The following SPHKAP variants were observed in gnomAD, a reference collection of about 807,000 sequenced individuals.
SPHKAP encodes A-kinase anchor protein SPHKAP.
In SPHKAP, 67 loss-of-function variants were observed where a neutral mutation model predicts 137.5. That is an observed-to-expected ratio of 0.49 (90% CI 0.40 to 0.60). SPHKAP has a LOEUF of 0.60. Among genes scored for constraint, SPHKAP ranks in the 20% least tolerant of loss-of-function variants. The pLI is 0.00. For missense variants in SPHKAP, 2,097 were observed against 2,069.3 expected (o/e 1.01, Z -0.26); for synonymous variants, 813 against 785.3 (o/e 1.04, Z -0.59).
rs185456523 is a variant in SPHKAP, at chr2:228,084,288, T to C, written c.246+24544A>G. Among the ~76,000 whole-genome samples the C allele has an allele frequency of 5.9e-5, 9 of 152,260 alleles. No individual in the cohort carries two copies. The East Asian group carries it at 1.7e-3, about 29-fold the overall frequency. ...ACATTAATAATTAGTATTAAAAAGT[T>C]ATATTCCAAATATTACTATAGTTAA... On this transcript the variant is annotated intron_variant, in intron 3 of 11. Transcript: ENST00000392056.
chr2:228,162,550 T>C (rs1167290150), intron 1 of SPHKAP, among the ~76,000 whole-genome samples: 1 of 152,210 alleles, frequency 6.6e-6, no homozygotes, highest in East Asian at 1.9e-4. Context: ...AAGTGTTCAA[T>C]GAAATTAGTT....
At chr2:228,020,899 G>A (rs939164475) in intron 6 of SPHKAP, among the ~76,000 whole-genome samples, 1 of 152,102 alleles carries the variant, frequency 6.6e-6, no homozygotes, top group Non-Finnish European at 1.5e-5. Context: ...ATGTTTGAGG[G>A]CTGAGGGCTG....
intron 2 of SPHKAP, among the ~76,000 whole-genome samples, chr2:228,122,770 G>A (rs1224202742): frequency 6.6e-6 from 1 of 152,208 alleles, no homozygotes; most frequent in African/African-American, 2.4e-5. Context: ...CAACCCTGAT[G>A]TTGATGTGGC....
intron 3 of SPHKAP, among the ~76,000 whole-genome samples, chr2:228,048,985 C>T (rs964885990): frequency 5.3e-5 from 8 of 152,162 alleles, no homozygotes; most frequent in African/African-American, 1.9e-4. Context: ...TGCACTGACA[C>T]CAACCTAGAC....
chr2:228,130,560 C>A (rs1320908226), intron 2 of SPHKAP, among the ~76,000 whole-genome samples: 1 of 152,130 alleles, frequency 6.6e-6, no homozygotes, highest in Admixed American at 6.6e-5. Flanking sequence ...TTCAATTCTT[C>A]TTTTAAATAC....
intron 1 of SPHKAP, among the ~76,000 whole-genome samples, chr2:228,180,021 C>G (rs1700852072): frequency 6.6e-6 from 1 of 152,130 alleles, no homozygotes. Flanking sequence ...AGTGAGCTTC[C>G]AATTTACATG....
At position 228,100,608 on chromosome 2, in the gene SPHKAP, T is replaced by C. The variant is rs147859649; in HGVS notation, c.246+8224A>G. Among the ~76,000 whole-genome samples, 34 of 138,820 alleles carry C rather than the reference T, an allele frequency of 2.4e-4. No homozygotes were observed. The East Asian group carries it at 7.2e-3, about 30-fold the overall frequency. The allele number at this position is 138,820 out of a possible 152,430, so 91.1% of individuals were successfully genotyped here. ...TGCATCTATTGAGATGATAGTATGGTTTTCTTTTTAATTCTGTTTATGTGG... is the reference window on the plus strand; with the variant it reads ...TGCATCTATTGAGATGATAGTATGGCTTTCTTTTTAATTCTGTTTATGTGG... On this transcript the variant is annotated intron_variant, in intron 3 of 11. Coordinates refer to ENST00000392056, the MANE Select transcript of SPHKAP (RefSeq NM_001142644.2).
At chr2:228,075,753 G>A (rs1459844276) in intron 3 of SPHKAP, among the ~76,000 whole-genome samples, 1 of 152,166 alleles carries the variant, frequency 6.6e-6, no homozygotes, top group African/African-American at 2.4e-5. Flanking sequence ...GACACTTTGA[G>A]TAGTTAAATT....
chr2:228,085,682 A>C (rs770441803), intron 3 of SPHKAP, among the ~76,000 whole-genome samples: 16 of 152,204 alleles, frequency 1.1e-4, no homozygotes, highest in Non-Finnish European at 1.9e-4. Flanking sequence ...AACAATCAAT[A>C]CTGTTGAAAA....
At chr2:228,168,165 G>A (rs1376208409) in intron 1 of SPHKAP, among the ~76,000 whole-genome samples, 2 of 151,462 alleles carry the variant, frequency 1.3e-5, no homozygotes, top group African/African-American at 4.9e-5. Flanking sequence ...TATCATGAAA[G>A]GCAAATTAAA....
intron 1 of SPHKAP, among the ~76,000 whole-genome samples, chr2:228,151,039 T>C (rs1293944878): frequency 6.6e-6 from 1 of 151,492 alleles, no homozygotes; most frequent in Non-Finnish European, 1.5e-5. Context: ...CCCATTAACT[T>C]GTCATTTAGC....
intron 7 of SPHKAP, among the ~76,000 whole-genome samples, chr2:228,002,807 C>T (rs1693961156): frequency 6.6e-6 from 1 of 152,170 alleles, no homozygotes; most frequent in South Asian, 2.1e-4. Flanking sequence ...TTTCCCAGCA[C>T]CATTTGTTAA....
At chr2:228,065,198 G>C (rs1284859742) in intron 3 of SPHKAP, among the ~76,000 whole-genome samples, 4 of 152,224 alleles carry the variant, frequency 2.6e-5, no homozygotes, top group Non-Finnish European at 5.9e-5. Context: ...TCAGGCTACT[G>C]TGTGCTGTGA....
chr2:228,161,070 G>T (rs1235132255), intron 1 of SPHKAP, among the ~76,000 whole-genome samples: 1 of 152,166 alleles, frequency 6.6e-6, no homozygotes, highest in Non-Finnish European at 1.5e-5. Flanking sequence ...ACATAAACAA[G>T]TACAAATGTG....
At chr2:228,102,901 C>T (rs1235134002) in intron 3 of SPHKAP, among the ~76,000 whole-genome samples, 1 of 152,092 alleles carries the variant, frequency 6.6e-6, no homozygotes, top group Admixed American at 6.6e-5. Flanking sequence ...GCCACCACAT[C>T]CAACTAATTT....
At chr2:228,093,859 CAAAAAAAAAAAA>C (rs11336381) in intron 3 of SPHKAP, among the ~76,000 whole-genome samples, 4 of 77,134 alleles carry the variant, frequency 5.2e-5, no homozygotes, top group Middle Eastern at 0.013. Flanking sequence ...GACTCCGTTT[CAAAAAAAAAAAA>C]AAAAAAAAAA....
chr2:228,148,624 A>C (rs1355675945), intron 1 of SPHKAP, among the ~76,000 whole-genome samples: 2 of 151,966 alleles, frequency 1.3e-5, no homozygotes, highest in East Asian at 3.9e-4. Flanking sequence ...TGGCTTTATA[A>C]TCCCCTGGAC....
chr2:228,045,492 G>A (rs952375272), intron 3 of SPHKAP, among the ~76,000 whole-genome samples: 5 of 150,952 alleles, frequency 3.3e-5, no homozygotes, highest in African/African-American at 7.3e-5. Flanking sequence ...GCAAACTATC[G>A]CAAGGACAAA....
chr2:228,086,158 CA>C (rs139645859), intron 3 of SPHKAP, among the ~76,000 whole-genome samples: 11 of 149,734 alleles, frequency 7.3e-5, no homozygotes, highest in East Asian at 1.9e-4. Flanking sequence ...AGTGAAACAA[CA>C]AAAAAAAATT....
Sources: gnomAD v4.1 joint callset for allele counts (sites outside exome capture counted in the v4.1 genomes callset) on GRCh38, gnomAD v4.1.1 for gene constraint, MANE v1.5 for transcripts, NCBI Gene and HGNC (gene_info 2026-07-23, HGNC 2026-07-21) for gene names.